Variants in MAP3K20 observed in about 807,000 individuals in gnomAD.
The protein encoded by MAP3K20 is HCCS-4.
MAP3K20 carries 40 observed loss-of-function variants against 85.7 expected under a neutral mutation model. The observed-to-expected ratio is 0.47, with a 90% CI of 0.36 to 0.61. MAP3K20 has a LOEUF of 0.61. Ranked by LOEUF, MAP3K20 falls within the 20% of genes least tolerant of loss-of-function variation. MAP3K20 has a pLI of 0.00. For missense variants in MAP3K20, 817 were observed against 961.7 expected (o/e 0.85, Z 1.99); for synonymous variants, 325 against 327.7 (o/e 0.99, Z 0.09).
chr2:173,134,414 A>ATTTTTTTT (rs1290040694), intron 2 of MAP3K20, among the ~76,000 whole-genome samples: 1 of 6,132 alleles, frequency 1.6e-4, no homozygotes, highest in Admixed American at 1.8e-3. Context: ...ATATATATAT[A>ATTTTTTTT]TATATATATA....
chr2:173,186,884 AT>A (rs1690501061), intron 4 of MAP3K20, among the ~76,000 whole-genome samples: 1 of 152,220 alleles, frequency 6.6e-6, no homozygotes, highest in Non-Finnish European at 1.5e-5. Context: ...GATGGAAAGA[AT>A]TTTGGAGTAT....
At chr2:173,194,114 T>A (rs769876450) in intron 7 of MAP3K20, among the ~76,000 whole-genome samples, 1 of 152,180 alleles carries the variant, frequency 6.6e-6, no homozygotes, top group Non-Finnish European at 1.5e-5. Flanking sequence ...TTAAAACAGC[T>A]TCTGCTGTGT....
In MAP3K20 at chr2:173,152,839, T is replaced by C. The variant is rs187154544; in HGVS notation, c.160-16966T>C. On this transcript the variant is annotated intron_variant, in intron 2 of 19. Transcript: ENST00000375213. ...AAAAATAGTTTCCTACTTTAGGAGA[T>C]TTGAGGCTCCCAAGAATATAGTGAA... 6.6e-3 allele frequency among the ~76,000 whole-genome samples: 998 copies of C among 152,258 alleles called. 6 individuals are homozygous for C. Among genetic ancestry groups the C allele is most frequent in the Non-Finnish European group, 8.2e-3 (555 of 68,010 alleles).
intron 11 of MAP3K20, chr2:173,225,060 G>C (rs1416086278): frequency 1.0e-6 from 1 of 984,936 alleles, no homozygotes; most frequent in Non-Finnish European, 1.2e-6. Context: ...TCAGAGACAT[G>C]CAACTGAAAA....
In MAP3K20 at chr2:173,096,978, A is replaced by T. The variant is rs374842353; in HGVS notation, c.159+5788A>T. 4.6e-5 allele frequency among the ~76,000 whole-genome samples: 7 copies of T among 152,330 alleles called. No homozygotes were observed. The East Asian group carries it at 9.6e-4, about 21-fold the overall frequency. Reference sequence around the variant, plus strand: ...GGCAGAAATTTAAGAGACAAGTAGAAGTGGTGCAGAAAGACATTGTGACTG... The same window carrying T: ...GGCAGAAATTTAAGAGACAAGTAGATGTGGTGCAGAAAGACATTGTGACTG... On this transcript the variant is annotated intron_variant, in intron 2 of 19. Coordinates refer to ENST00000375213, the MANE Select transcript of MAP3K20 (RefSeq NM_016653.3).
intron 16 of MAP3K20, among the ~76,000 whole-genome samples, chr2:173,255,391 TTGTGCTGA>T (rs1443069736): frequency 6.6e-6 from 1 of 152,214 alleles, no homozygotes; most frequent in Non-Finnish European, 1.5e-5. Flanking sequence ...TCACACAGCC[TTGTGCTGA>T]TGTCAACCAC....
At chr2:173,209,991 T>C (rs1016779548) in intron 10 of MAP3K20, 156 bp downstream of exon 10, 1 of 658,244 alleles carries the variant, frequency 1.5e-6, no homozygotes, top group Non-Finnish European at 2.6e-6. Flanking sequence ...GGAACTCTTA[T>C]AAGTCCTGCA....
chr2:173,263,936 G>T, intron 19 of MAP3K20, 41 bp downstream of exon 19: 1 of 1,568,108 alleles, frequency 6.4e-7, no homozygotes, highest in South Asian at 1.2e-5. Flanking sequence ...CTAGATTCCA[G>T]AAACTTAATT....
chr2:173,092,509 T>G (rs1420350854), intron 2 of MAP3K20, among the ~76,000 whole-genome samples: 3 of 152,214 alleles, frequency 2.0e-5, no homozygotes, highest in Non-Finnish European at 2.9e-5. Context: ...TGTATTAAGC[T>G]GCCCCAGGAG....
At chr2:173,126,561 G>A (rs901390651) in intron 2 of MAP3K20, among the ~76,000 whole-genome samples, 3 of 152,086 alleles carry the variant, frequency 2.0e-5, no homozygotes, top group African/African-American at 7.2e-5. Context: ...CATATTTTTA[G>A]TAGAGATGGG....
At chr2:173,200,114 CT>C (rs1184122046) in intron 8 of MAP3K20, among the ~76,000 whole-genome samples, 1 of 152,172 alleles carries the variant, frequency 6.6e-6, no homozygotes, top group African/African-American at 2.4e-5. Context: ...ATTTTCTCAA[CT>C]TTCTAATGAA....
intron 2 of MAP3K20, among the ~76,000 whole-genome samples, chr2:173,157,133 A>G (rs749238010): frequency 2.0e-5 from 3 of 152,158 alleles, no homozygotes; most frequent in Non-Finnish European, 4.4e-5. Flanking sequence ...AGTTCATTCA[A>G]ATGGAGGCGA....
At position 173,229,736 on chromosome 2, in the gene MAP3K20, A is replaced by G; in HGVS notation, c.1032+3A>G. 1 of 1,614,122 alleles carries G rather than the reference A, an allele frequency of 6.2e-7. No homozygotes were observed. Reference sequence around the variant, plus strand: ...GTGCATGGACGGAAGACGATGTGGTAAGCTCTTTGTATTCATGCCTTATTT... The same window carrying G: ...GTGCATGGACGGAAGACGATGTGGTGAGCTCTTTGTATTCATGCCTTATTT... On this transcript the variant is annotated splice_donor_region_variant and intron_variant, in intron 12 of 19. Coordinates refer to ENST00000375213, the MANE Select transcript of MAP3K20 (RefSeq NM_016653.3).
chr2:173,252,966 G>C lies in MAP3K20; in HGVS notation c.1360-5733G>C, dbSNP rs540623151. Among the ~76,000 whole-genome samples, 16 of 152,270 alleles carry C rather than the reference G, an allele frequency of 1.1e-4. No homozygotes were observed. The South Asian group carries it at 1.2e-3, about 12-fold the overall frequency. ...GAAGATACGAATTTATTCCTTCTTT[G>C]CTTCATTTCATGAAACTGGCCATTG... On this transcript the variant is annotated intron_variant, in intron 16 of 19. Transcript: ENST00000375213.
intron 9 of MAP3K20, among the ~76,000 whole-genome samples, chr2:173,205,222 C>T (rs1236510887): frequency 6.6e-6 from 1 of 151,324 alleles, no homozygotes; most frequent in East Asian, 1.9e-4. Context: ...TTAAATTTGT[C>T]CAGTTTTTTG....
intron 7 of MAP3K20, 90 bp downstream of exon 7, chr2:173,191,267 TTTTA>T: frequency 6.5e-7 from 1 of 1,539,202 alleles, no homozygotes; most frequent in Admixed American, 1.9e-5. Flanking sequence ...ATGGTTTTAT[TTTTA>T]TTTGAGACTG....
chr2:173,191,457 T>C (rs1330438958), intron 7 of MAP3K20, among the ~76,000 whole-genome samples: 2 of 152,178 alleles, frequency 1.3e-5, no homozygotes, highest in East Asian at 3.9e-4. Flanking sequence ...GCTTTGCCTG[T>C]GAGAATGATT....
chr2:173,245,866 G>A (rs1236216539), intron 16 of MAP3K20, among the ~76,000 whole-genome samples: 5 of 152,164 alleles, frequency 3.3e-5, no homozygotes, highest in African/African-American at 4.8e-5. Flanking sequence ...CAGGAGGCAA[G>A]GTTGCAGTGA....
chr2:173,207,208 G>A (rs1458145324), intron 9 of MAP3K20, among the ~76,000 whole-genome samples: 3 of 152,118 alleles, frequency 2.0e-5, no homozygotes, highest in East Asian at 1.9e-4. Flanking sequence ...AAAAAAATAA[G>A]TTGGTCTCGT....
Sources: allele counts gnomAD v4.1 joint callset (sites outside exome capture counted in the v4.1 genomes callset), GRCh38; gene constraint gnomAD v4.1.1; transcripts MANE v1.5; gene names NCBI Gene and HGNC (gene_info 2026-07-23, HGNC 2026-07-21).